Variants in CA13 observed in about 807,000 individuals in gnomAD.
CA13 encodes carbonic anhydrase 13.
Under a neutral mutation model 31.5 loss-of-function variants are expected in CA13, and 21 were observed. That is an observed-to-expected ratio of 0.67 (90% CI 0.47 to 0.96). CA13 has a LOEUF of 0.96. Among genes scored for constraint, CA13 ranks in the 40% least tolerant of loss-of-function variants. The pLI, the probability that CA13 is intolerant of heterozygous loss-of-function variation, is 0.00. For synonymous variants in CA13, 117 were observed against 111.4 expected, an observed-to-expected ratio of 1.05 and a Z score of -0.32; for missense variants, 315 against 318.9, an observed-to-expected ratio of 0.99 and a Z score of 0.09.
chr8:85,268,328 C>A (rs777940061), intron 5 of CA13, 144 bp from the exon 6 acceptor site: 1 of 717,864 alleles, frequency 1.4e-6, no homozygotes, highest in Non-Finnish European at 2.3e-6. Context: ...TTTAAAGATA[C>A]TAAAGGAAGA....
rs571744105 is a variant in CA13 at position 85,275,805 on chromosome 8, A to G, written c.670-5425A>G. 1.6e-4 allele frequency among the ~76,000 whole-genome samples: 24 copies of G among 152,352 alleles called. No homozygotes were observed. The South Asian group carries it at 3.7e-3, about 24-fold the overall frequency. ...CAACACATTCCTCGATCAAGGTTCCATAACAGGATTTTTCTATATAAGTAT... is the reference window on the plus strand; with the variant it reads ...CAACACATTCCTCGATCAAGGTTCCGTAACAGGATTTTTCTATATAAGTAT... On this transcript the variant is annotated intron_variant, in intron 6 of 6. Coordinates refer to ENST00000321764, the MANE Select transcript of CA13 (RefSeq NM_198584.3).
intron 2 of CA13, among the ~76,000 whole-genome samples, chr8:85,255,793 C>CA (rs1807284363): frequency 6.6e-6 from 1 of 152,206 alleles, no homozygotes; most frequent in Non-Finnish European, 1.5e-5. Context: ...TTTCTGGACT[C>CA]AAACAGTATC....
intron 2 of CA13, among the ~76,000 whole-genome samples, chr8:85,252,874 G>A (rs888152622): frequency 3.3e-5 from 5 of 151,900 alleles, no homozygotes; most frequent in Non-Finnish European, 7.4e-5. Flanking sequence ...CTTATTGTTA[G>A]CAAAAATTAT....
chr8:85,273,984 C>G (rs965943146), intron 6 of CA13, among the ~76,000 whole-genome samples: 64 of 151,902 alleles, frequency 4.2e-4, no homozygotes, highest in African/African-American at 1.4e-3. Flanking sequence ...GCATAGTACC[C>G]GGACGGCCTC....
chr8:85,245,667 G>A lies in CA13; in HGVS notation c.-162G>A. ...TCCCCGCACGCCTCTGCCGTCTGGAGGACGCAGGCGGGAGCGCCCCGGACC... is the reference window on the plus strand; with the variant it reads ...TCCCCGCACGCCTCTGCCGTCTGGAAGACGCAGGCGGGAGCGCCCCGGACC... On this transcript the variant is annotated 5_prime_UTR_variant, in exon 1 of 7. Coordinates refer to ENST00000321764, the MANE Select transcript of CA13 (RefSeq NM_198584.3). 2.7e-6 allele frequency: 2 copies of A among 742,880 alleles called. No individual in the cohort carries two copies. The highest frequency in any genetic ancestry group is 2.6e-5 in the East Asian group (1 of 39,046). 46.0% of individuals were successfully genotyped at this position (742,880 alleles called of 1,614,324 possible). A position where few individuals can be genotyped will look rare whatever the true frequency, so the allele number is the denominator to read the frequency against.
chr8:85,279,675 G>A (rs933803621), intron 6 of CA13, among the ~76,000 whole-genome samples: 5 of 152,094 alleles, frequency 3.3e-5, no homozygotes, highest in South Asian at 2.1e-4. Context: ...AAGAATCAGC[G>A]GTATCACTGT....
chr8:85,246,393 TA>T (rs1389478218), intron 1 of CA13: 10 of 456,024 alleles, frequency 2.2e-5, no homozygotes, highest in Non-Finnish European at 4.4e-5. Context: ...TGTTTCCTAA[TA>T]GTTGTTACTG....
chr8:85,256,800 C>T (rs1013943581), intron 2 of CA13, among the ~76,000 whole-genome samples: 2 of 152,190 alleles, frequency 1.3e-5, no homozygotes, highest in Non-Finnish European at 2.9e-5. Flanking sequence ...GCTAGCCCAT[C>T]GTAAGCTCTT....
At position 85,264,036 on chromosome 8, in the gene CA13, C is replaced by A. The variant is rs755053438; in HGVS notation, c.355-2572C>A. 3.3e-5 allele frequency among the ~76,000 whole-genome samples: 5 copies of A among 152,026 alleles called. 1 individual carries two copies. Among genetic ancestry groups the A allele is most frequent in the Non-Finnish European group, 7.4e-5 (5 of 68,018 alleles). ...CAACATATACAACTTTAATTTTAGGCCTAATATGATGGTTTATAATATTAC... is the reference window on the plus strand; with the variant it reads ...CAACATATACAACTTTAATTTTAGGACTAATATGATGGTTTATAATATTAC... On this transcript the variant is annotated intron_variant, in intron 3 of 6. Coordinates refer to ENST00000321764, the MANE Select transcript of CA13 (RefSeq NM_198584.3).
At chr8:85,274,132 G>T (rs941116287) in intron 6 of CA13, among the ~76,000 whole-genome samples, 1 of 152,088 alleles carries the variant, frequency 6.6e-6, no homozygotes, top group Non-Finnish European at 1.5e-5. Flanking sequence ...TTCACCCCCT[G>T]CCCAGCTTTC....
At position 85,245,664 on chromosome 8, in the gene CA13, G is replaced by T; in HGVS notation, c.-165G>T. On this transcript the variant is annotated 5_prime_UTR_variant, in exon 1 of 7. Transcript: ENST00000321764. Reference sequence around the variant, plus strand: ...CCTTCCCCGCACGCCTCTGCCGTCTGGAGGACGCAGGCGGGAGCGCCCCGG... The same window carrying T: ...CCTTCCCCGCACGCCTCTGCCGTCTTGAGGACGCAGGCGGGAGCGCCCCGG... 1 of 732,358 alleles carries T rather than the reference G, an allele frequency of 1.4e-6. No homozygotes were observed. 45.4% of individuals were successfully genotyped at this position (732,358 alleles called of 1,614,324 possible).
intron 6 of CA13, among the ~76,000 whole-genome samples, chr8:85,280,938 T>G (rs1321914817): frequency 6.6e-6 from 1 of 152,180 alleles, no homozygotes; most frequent in Non-Finnish European, 1.5e-5. Context: ...TGAAAAACAT[T>G]CTCTGATTTC....
At chr8:85,252,139 C>T (rs1807201728) in intron 2 of CA13, among the ~76,000 whole-genome samples, 1 of 152,102 alleles carries the variant, frequency 6.6e-6, no homozygotes, top group African/African-American at 2.4e-5. Flanking sequence ...TGCCTTTACT[C>T]CCAGCTACTC....
intron 1 of CA13, among the ~76,000 whole-genome samples, chr8:85,250,251 C>T (rs1813803444): frequency 6.6e-6 from 1 of 152,142 alleles, no homozygotes; most frequent in Admixed American, 6.6e-5. Context: ...TAGACGATAG[C>T]ATTGAGTGAT....
intron 2 of CA13, among the ~76,000 whole-genome samples, chr8:85,257,618 C>G (rs556777158): frequency 2.0e-5 from 3 of 151,368 alleles, no homozygotes; most frequent in Admixed American, 6.6e-5. Context: ...CAGCCCCAGC[C>G]GCTAGGGAGG....
chr8:85,273,938 T>C (rs1007008935), intron 6 of CA13, among the ~76,000 whole-genome samples: 1 of 152,004 alleles, frequency 6.6e-6, no homozygotes, highest in Non-Finnish European at 1.5e-5. Flanking sequence ...TATAGTCTCC[T>C]GTAAACAAGA....
At chr8:85,270,001 G>A (rs959478513) in intron 6 of CA13, among the ~76,000 whole-genome samples, 1 of 152,130 alleles carries the variant, frequency 6.6e-6, no homozygotes, top group Middle Eastern at 3.2e-3. Flanking sequence ...AGGATTACAG[G>A]CATGAGCCAC....
chr8:85,250,810 CA>C lies in CA13; in HGVS notation c.111del (p.Glu38LysfsTer2), dbSNP rs1455903947. On this transcript the variant is annotated frameshift_variant, in exon 2 of 7. Transcript: ENST00000321764. LOFTEE classifies it high-confidence loss of function. The part of the protein sequence containing the change: ...DQQSPIEIKT[K>X]EVKYDSSLRP... ...AGCAATCTCCAATTGAGATTAAAAC[CA>C]AAGAAGTGAAATATGACTCTTCCCT... The C allele has an allele frequency of 6.2e-7, 1 of 1,613,756 alleles. No homozygotes were observed. The highest frequency in any genetic ancestry group is 8.5e-7 in the Non-Finnish European group (1 of 1,179,818).
At chr8:85,253,901 A>G (rs1428147264) in intron 2 of CA13, among the ~76,000 whole-genome samples, 2 of 152,196 alleles carry the variant, frequency 1.3e-5, no homozygotes, top group African/African-American at 4.8e-5. Context: ...CAAAGTTTAT[A>G]CCACATAAGT....
Sources: allele counts gnomAD v4.1 joint callset (sites outside exome capture counted in the v4.1 genomes callset), GRCh38; gene constraint gnomAD v4.1.1; transcripts MANE v1.5; gene names NCBI Gene and HGNC (gene_info 2026-07-23, HGNC 2026-07-21).